Variants in MYO6 observed in about 807,000 individuals in gnomAD.
The protein encoded by MYO6 is unconventional myosin-VI.
Under a neutral mutation model 178.7 loss-of-function variants are expected in MYO6, and 74 were observed. The observed-to-expected ratio is 0.41, with a 90% CI of 0.34 to 0.50. The LOEUF is 0.50. Ranked by LOEUF, MYO6 falls within the 20% of genes least tolerant of loss-of-function variation. The pLI is 0.09. For synonymous variants in MYO6, 477 were observed against 504.6 expected (o/e 0.95, Z 0.73); for missense variants, 1,330 against 1,547.4 (o/e 0.86, Z 2.36).
At chr6:75,874,508 T>C (rs1777410272) in intron 20 of MYO6, among the ~76,000 whole-genome samples, 1 of 152,214 alleles carries the variant, frequency 6.6e-6, no homozygotes, top group African/African-American at 2.4e-5. Context: ...CTAAAGCTTC[T>C]CTTGTCTGCT....
intron 2 of MYO6, among the ~76,000 whole-genome samples, chr6:75,822,455 T>A (rs1289080923): frequency 6.6e-6 from 1 of 152,180 alleles, no homozygotes; most frequent in Non-Finnish European, 1.5e-5. Context: ...ACATTTTATT[T>A]AAAAAAATTT....
At chr6:75,908,908 A>G (rs938441130) in intron 32 of MYO6, among the ~76,000 whole-genome samples, 2 of 152,172 alleles carry the variant, frequency 1.3e-5, no homozygotes, top group Non-Finnish European at 2.9e-5. Context: ...CACACACACA[A>G]ACACGTGCAC....
Position 75,890,263 on chromosome 6 carries a change from G to C in MYO6, c.2865G>C (p.Arg955=). ...GAAGAAAGGAAGAGGAGGAAAGGCG[G>C]ATGTGAGGCATTTATATTATTTTGA... is the stretch of plus-strand genomic sequence containing the variant. ...KRRRKEEEER[R]MKLEMEAKRK... Residue 955 remains arginine, a splice_region_variant and synonymous_variant, in exon 26 of 35, where the codon CGG becomes CGC. Transcript: ENST00000369977. 6.2e-7 allele frequency: 1 copy of C among 1,613,710 alleles called. No homozygotes were observed. Among genetic ancestry groups the C allele is most frequent in the East Asian group, 2.2e-5 (1 of 44,868 alleles).
intron 1 of MYO6, among the ~76,000 whole-genome samples, chr6:75,769,589 C>T (rs573734975): frequency 6.6e-6 from 1 of 152,342 alleles, no homozygotes; most frequent in East Asian, 1.9e-4. Context: ...AGCTCCACTC[C>T]CTCTGCTGCT....
chr6:75,855,038 T>C, intron 11 of MYO6, 101 bp from the exon 12 acceptor site: 2 of 1,062,202 alleles, frequency 1.9e-6, no homozygotes, highest in Non-Finnish European at 2.8e-6. Context: ...CCTTGCCTAT[T>C]ATATGGTTTT....
chr6:75,757,192 A>G (rs1426444388), intron 1 of MYO6, among the ~76,000 whole-genome samples: 1 of 147,762 alleles, frequency 6.8e-6, no homozygotes, highest in Non-Finnish European at 1.5e-5. Flanking sequence ...ACACACATAT[A>G]TTGTGTATAT....
rs1226419402 is a variant in MYO6, at chr6:75,914,055, T to C, written c.3440-8T>C. The C allele has an allele frequency of 1.2e-6, 2 of 1,613,634 alleles. No homozygotes were observed. Among genetic ancestry groups the C allele is most frequent in the South Asian group, 2.2e-5 (2 of 91,080 alleles). On this transcript the variant is annotated splice_polypyrimidine_tract_variant and splice_region_variant and intron_variant, in intron 33 of 34. Coordinates refer to ENST00000369977, the MANE Select transcript of MYO6 (RefSeq NM_004999.4). ...TGCTGGTATAACTTTCCTTGTTCTGTGTAATAGCTCAGCAAAACCCAGCAG... is the reference window on the plus strand; with the variant it reads ...TGCTGGTATAACTTTCCTTGTTCTGCGTAATAGCTCAGCAAAACCCAGCAG...
chr6:75,787,748 A>T (rs1298687053), intron 1 of MYO6, among the ~76,000 whole-genome samples: 4 of 117,754 alleles, frequency 3.4e-5, no homozygotes, highest in Non-Finnish European at 7.0e-5. Context: ...ATATATATAT[A>T]TATATATATA....
intron 30 of MYO6, among the ~76,000 whole-genome samples, 200 bp downstream of exon 30, chr6:75,898,611 A>G (rs2149388571): frequency 6.6e-6 from 1 of 152,296 alleles, no homozygotes; most frequent in African/African-American, 2.4e-5. Context: ...TATTCCTTCA[A>G]AGTCATGGGG....
intron 1 of MYO6, among the ~76,000 whole-genome samples, chr6:75,757,211 A>G (rs1004370212): frequency 1.3e-5 from 2 of 148,394 alleles, no homozygotes; most frequent in Non-Finnish European, 3.0e-5. Context: ...ATATGTATAT[A>G]GACATATATA....
At chr6:75,757,257 GTA>G (rs1433821937) in intron 1 of MYO6, among the ~76,000 whole-genome samples, 6 of 146,652 alleles carry the variant, frequency 4.1e-5, no homozygotes, top group African/African-American at 1.5e-4. Context: ...ATATGTGTGT[GTA>G]TATATGTATA....
Position 75,918,786 on chromosome 6 carries a change from A to G in MYO6, c.*3774A>G, listed in dbSNP as rs1229492248. 2.0e-5 allele frequency: 3 copies of G among 152,266 alleles called. No individual in the cohort carries two copies. The highest frequency in any genetic ancestry group is 7.2e-5 in the African/African-American group (3 of 41,468). The allele number at this position is 152,266 out of a possible 1,614,324, so 9.4% of individuals were successfully genotyped here. Reference sequence around the variant, plus strand: ...AGATGATCAGGAAAAATTAATGCACATTCAAAAGGAGAATCTTCAGTACAA... The same window carrying G: ...AGATGATCAGGAAAAATTAATGCACGTTCAAAAGGAGAATCTTCAGTACAA... On this transcript the variant is annotated 3_prime_UTR_variant, in exon 35 of 35. Transcript: ENST00000369977.
chr6:75,847,863 TTAAC>T (rs1774878479), intron 10 of MYO6, among the ~76,000 whole-genome samples: 1 of 152,028 alleles, frequency 6.6e-6, no homozygotes. Context: ...CTTTTTTTAA[TTAAC>T]AAGAATAATG....
At chr6:75,848,208 T>G (rs568307423) in intron 10 of MYO6, 143 bp from the exon 11 acceptor site, 1 of 748,166 alleles carries the variant, frequency 1.3e-6, no homozygotes, top group African/African-American at 1.8e-5. Context: ...CATTTAGTTT[T>G]TGAATGTTAG....
intron 1 of MYO6, among the ~76,000 whole-genome samples, chr6:75,770,334 G>A (rs1337738914): frequency 6.6e-6 from 1 of 152,208 alleles, no homozygotes; most frequent in African/African-American, 2.4e-5. Flanking sequence ...AACACAGAGA[G>A]ATTGTTATAA....
chr6:75,846,254 G>A (rs1774720793), intron 10 of MYO6, among the ~76,000 whole-genome samples: 1 of 151,756 alleles, frequency 6.6e-6, no homozygotes, highest in African/African-American at 2.4e-5. Flanking sequence ...CTAAAGTAAG[G>A]ATTAATGATA....
chr6:75,876,485 A>G, intron 20 of MYO6, among the ~76,000 whole-genome samples: 1 of 152,346 alleles, frequency 6.6e-6, no homozygotes, highest in East Asian at 1.9e-4. Flanking sequence ...GTATTCTTCC[A>G]TAAAGTAGAG....
intron 30 of MYO6, among the ~76,000 whole-genome samples, chr6:75,901,850 T>C (rs189981281): frequency 6.6e-6 from 1 of 152,346 alleles, no homozygotes; most frequent in African/African-American, 2.4e-5. Context: ...AGTATGGTAT[T>C]GGCTGTGGGT....
chr6:75,898,026 G>A (rs1244134500), intron 29 of MYO6, among the ~76,000 whole-genome samples: 3 of 152,100 alleles, frequency 2.0e-5, no homozygotes, highest in Admixed American at 6.6e-5. Flanking sequence ...ATCCTCATAT[G>A]GAATCTATAT....
Sources: allele counts gnomAD v4.1 joint callset (sites outside exome capture counted in the v4.1 genomes callset), GRCh38; gene constraint gnomAD v4.1.1; transcripts MANE v1.5; gene names NCBI Gene and HGNC (gene_info 2026-07-23, HGNC 2026-07-21).